The following SNX13 variants were observed in gnomAD, a reference collection of about 807,000 sequenced individuals.
SNX13 encodes sorting nexin 13, also known as sorting nexin-13.
Under a neutral mutation model 133.6 loss-of-function variants are expected in SNX13, and 45 were observed. The observed-to-expected ratio is 0.34, with a 90% confidence interval of 0.27 to 0.43. The LOEUF is 0.43. Among genes scored for constraint, SNX13 ranks in the 20% least tolerant of loss-of-function variants. The pLI is 1.00. For synonymous variants in SNX13, 414 were observed against 373.9 expected, an observed-to-expected ratio of 1.11 and a Z score of -1.24; for missense variants, 1,032 against 1,145.1, an observed-to-expected ratio of 0.90 and a Z score of 1.43.
chr7:17,905,461 A>G (rs1004749362), intron 1 of SNX13, among the ~76,000 whole-genome samples: 1 of 152,246 alleles, frequency 6.6e-6, no homozygotes, highest in Non-Finnish European at 1.5e-5. Context: ...TACAGAAAAG[A>G]TAATGCCTTT....
At chr7:17,888,369 T>C (rs1217813460) in intron 5 of SNX13, 4 of 194,380 alleles carry the variant, frequency 2.1e-5, no homozygotes, top group East Asian at 1.6e-4. Flanking sequence ...AAAAACTTAA[T>C]ACCTACAGTG....
intron 1 of SNX13, among the ~76,000 whole-genome samples, chr7:17,908,706 C>G (rs576503210): frequency 6.6e-6 from 1 of 152,224 alleles, no homozygotes; most frequent in South Asian, 2.1e-4. Context: ...TCTGCAATTT[C>G]AAAGGTAAAT....
At chr7:17,802,917 A>G (rs1784791099) in intron 21 of SNX13, among the ~76,000 whole-genome samples, 1 of 152,086 alleles carries the variant, frequency 6.6e-6, no homozygotes, top group African/African-American at 2.4e-5. Context: ...AAATTCTTCT[A>G]TGACACGCAG....
At chr7:17,910,562 G>A (rs1282194986) in intron 1 of SNX13, among the ~76,000 whole-genome samples, 1 of 152,132 alleles carries the variant, frequency 6.6e-6, no homozygotes, top group Non-Finnish European at 1.5e-5. Context: ...CCACTCCTAT[G>A]TACATACCCA....
chr7:17,845,066 T>C (rs1790328565), intron 12 of SNX13, among the ~76,000 whole-genome samples: 1 of 151,902 alleles, frequency 6.6e-6, no homozygotes, highest in South Asian at 2.1e-4. Context: ...CGTTTCAACA[T>C]AGTACTGGAA....
intron 15 of SNX13, chr7:17,830,372 T>G: frequency 1.0e-6 from 1 of 984,276 alleles, no homozygotes; most frequent in Non-Finnish European, 1.2e-6. Flanking sequence ...AATATAAGCA[T>G]GAGGAAAACA....
At chr7:17,897,002 A>C (rs1797282093) in intron 2 of SNX13, among the ~76,000 whole-genome samples, 1 of 152,134 alleles carries the variant, frequency 6.6e-6, no homozygotes, top group South Asian at 2.1e-4. Flanking sequence ...CTTACTTATT[A>C]ACATAATGCA....
intron 20 of SNX13, among the ~76,000 whole-genome samples, chr7:17,811,985 C>T (rs1416686402): frequency 2.0e-5 from 3 of 152,094 alleles, no homozygotes; most frequent in Non-Finnish European, 4.4e-5. Flanking sequence ...ACACCTTATA[C>T]AAAAATTAAC....
chr7:17,800,487 T>A (rs1784499621), intron 22 of SNX13, among the ~76,000 whole-genome samples: 2 of 151,866 alleles, frequency 1.3e-5, no homozygotes, highest in Middle Eastern at 6.8e-3. Flanking sequence ...TCAATCCATA[T>A]ACAAAAATCA....
chr7:17,933,205 G>A (rs538041171), intron 1 of SNX13, among the ~76,000 whole-genome samples: 1 of 152,282 alleles, frequency 6.6e-6, no homozygotes, highest in South Asian at 2.1e-4. Context: ...CAAATGACTG[G>A]TAACCCTCAA....
Position 17,796,950 on chromosome 7 carries a change from A to G in SNX13, c.2514-11T>C. 2 of 1,540,640 alleles carry G rather than the reference A, an allele frequency of 1.3e-6. No individual in the cohort carries two copies. The highest frequency in any genetic ancestry group is 1.8e-6 in the Non-Finnish European group (2 of 1,115,788). On this transcript the variant is annotated splice_polypyrimidine_tract_variant and intron_variant, in intron 24 of 25. Coordinates refer to ENST00000428135, the MANE Select transcript of SNX13 (RefSeq NM_015132.5). ...GGCCAAAATGCATCTCTATTTGAGA[A>G]GATTAAATACATTTTGTAAACATTT...
chr7:17,796,992 C>G lies in SNX13; in HGVS notation c.2514-53G>C, dbSNP rs930532313. ...TAAACATTTTCATTTTCTAATGATA[C>G]AAGTTGATAAAATTATTTCAAATTT... is the stretch of plus-strand genomic sequence containing the variant. On this transcript the variant is annotated intron_variant, in intron 24 of 25. Transcript: ENST00000428135. The G allele has an allele frequency of 3.1e-6, 4 of 1,279,782 alleles. No individual in the cohort carries two copies. In the East Asian group the frequency reaches 9.3e-5, roughly 30 times the overall value. 79.3% of individuals were successfully genotyped at this position (1,279,782 alleles called of 1,614,324 possible).
intron 20 of SNX13, among the ~76,000 whole-genome samples, chr7:17,814,444 A>G (rs1420056378): frequency 6.6e-6 from 1 of 152,040 alleles, no homozygotes; most frequent in Non-Finnish European, 1.5e-5. Flanking sequence ...TTTATATAAT[A>G]ATGATTTTAT....
At position 17,836,772 on chromosome 7, in the gene SNX13, T is replaced by C. The variant is rs191468175; in HGVS notation, c.1360-1907A>G. 4.4e-4 allele frequency among the ~76,000 whole-genome samples: 67 copies of C among 152,184 alleles called. No homozygotes were observed. The Middle Eastern group carries it at 0.01, about 23-fold the overall frequency. ...TAACTTTTTTTAAAACTCTATTGGA[T>C]ACTTAAATGTTATAGGCTATATTGT... On this transcript the variant is annotated intron_variant, in intron 13 of 25. Coordinates refer to ENST00000428135, the MANE Select transcript of SNX13 (RefSeq NM_015132.5).
chr7:17,898,619 TG>T (rs1226796887), intron 1 of SNX13, among the ~76,000 whole-genome samples: 9 of 152,030 alleles, frequency 5.9e-5, no homozygotes, highest in African/African-American at 2.2e-4. Flanking sequence ...ATTCCAGAAG[TG>T]GGGAAAAAGA....
intron 9 of SNX13, among the ~76,000 whole-genome samples, chr7:17,859,752 A>G (rs1006407966): frequency 6.6e-6 from 1 of 152,128 alleles, no homozygotes; most frequent in African/African-American, 2.4e-5. Context: ...ATCATGCAGT[A>G]TTTGTCTTTC....
At position 17,798,707 on chromosome 7, in the gene SNX13, G is replaced by T; in HGVS notation, c.2496C>A (p.Asp832Glu). 6.3e-7 allele frequency: 1 copy of T among 1,577,544 alleles called. No homozygotes were observed. The highest frequency in any genetic ancestry group is 2.3e-5 in the East Asian group (1 of 43,776). The change falls in exon 24 of 26, where the codon GAC (aspartate) becomes GAA (glutamate). Residue 832 changes from aspartate (D) to glutamate (E), a missense_variant. Physicochemically the swap from Asp to Glu is conservative, Grantham distance 45. Coordinates refer to ENST00000428135, the MANE Select transcript of SNX13 (RefSeq NM_015132.5). ...DWMTSPEQVA[D>E]SVKRFRDAFW... Reference sequence around the variant, plus strand: ...AGATATACCTGAAACGTTTCACTGAGTCGGCTACTTGTTCAGGTGAAGTCA... The same window carrying T: ...AGATATACCTGAAACGTTTCACTGATTCGGCTACTTGTTCAGGTGAAGTCA...
chr7:17,917,751 C>G (rs1799714915), intron 1 of SNX13, among the ~76,000 whole-genome samples: 1 of 151,998 alleles, frequency 6.6e-6, no homozygotes, highest in African/African-American at 2.4e-5. Context: ...CAATGCAATT[C>G]CTATCAAAGT....
intron 1 of SNX13, among the ~76,000 whole-genome samples, chr7:17,937,251 A>T (rs914404140): frequency 2.0e-5 from 3 of 152,088 alleles, no homozygotes; most frequent in Non-Finnish European, 4.4e-5. Context: ...TTCAATGTAC[A>T]TATTAGTTTG....
Sources: gnomAD v4.1 joint callset for allele counts (sites outside exome capture counted in the v4.1 genomes callset) on GRCh38, gnomAD v4.1.1 for gene constraint, MANE v1.5 for transcripts, NCBI Gene and HGNC (gene_info 2026-07-23, HGNC 2026-07-21) for gene names.